ZNF695: variants seen among roughly 807,000 people sequenced by gnomAD.
ZNF695 encodes the protein zinc finger protein 695.
ZNF695 carries 11 observed loss-of-function variants against 11.2 expected under a neutral mutation model. The observed-to-expected ratio is 0.98, with a 90% confidence interval of 0.62 to 1.62. The LOEUF is 1.62. Ranked by LOEUF, ZNF695 falls within the 40% of genes most tolerant of loss-of-function variation. The pLI, the probability that ZNF695 is intolerant of heterozygous loss-of-function variation, is 0.00. For missense variants in ZNF695, 559 were observed against 590.5 expected (o/e 0.95, Z 0.55); for synonymous variants, 190 against 201.4 (o/e 0.94, Z 0.48).
intron 5 of ZNF695, among the ~76,000 whole-genome samples, chr1:246,949,578 A>C (rs1485178398): frequency 6.8e-6 from 1 of 148,046 alleles, no homozygotes; most frequent in Non-Finnish European, 1.5e-5. Flanking sequence ...GCGACAGAGC[A>C]AGACCCTGTC....
rs189813367 is a variant in ZNF695 at position 246,958,310 on chromosome 1, G to A, written c.488+9385C>T. On this transcript the variant is annotated intron_variant, in intron 5 of 5. Coordinates refer to the ZNF695 transcript ENST00000487338. ...CCTGACCTCGTGATCTGCCCTCCTC[G>A]GCCTCCCAAAGTGCTGGGATTACAG... Among the ~76,000 whole-genome samples, 562 of 151,972 alleles carry A rather than the reference G, an allele frequency of 3.7e-3. 4 individuals carry two copies. Among genetic ancestry groups the A allele is most frequent in the African/African-American group, 0.013 (521 of 41,460 alleles).
intron 5 of ZNF695, among the ~76,000 whole-genome samples, chr1:246,947,118 C>G (rs1428756530): frequency 8.3e-6 from 1 of 119,912 alleles, no homozygotes; most frequent in Admixed American, 9.9e-5. Flanking sequence ...CCAGCCTGGG[C>G]GACAAAGCGA....
At chr1:246,951,310 G>A (rs1667865146) in intron 5 of ZNF695, among the ~76,000 whole-genome samples, 5 of 152,130 alleles carry the variant, frequency 3.3e-5, no homozygotes, top group Admixed American at 6.5e-5. Context: ...TAATTAAGTC[G>A]TCATGCTGGA....
At chr1:246,955,962 T>C (rs1667984617) in intron 5 of ZNF695, among the ~76,000 whole-genome samples, 2 of 151,356 alleles carry the variant, frequency 1.3e-5, no homozygotes, top group South Asian at 4.2e-4. Flanking sequence ...GATACCCACA[T>C]GCCAGATATT....
chr1:246,995,813 CAAA>C (rs60375785), intron 3 of ZNF695, among the ~76,000 whole-genome samples: 15,936 of 65,692 alleles, frequency 0.24, 447 homozygotes, highest in African/African-American at 0.31. Context: ...GACTCTGTCT[CAAA>C]AAAAAAAAAA....
chr1:246,987,391 G>GT lies in ZNF695; in HGVS notation c.1123dup (p.Thr375AsnfsTer3). 6.2e-7 allele frequency: 1 copy of GT among 1,613,186 alleles called. No homozygotes were observed. Among genetic ancestry groups the GT allele is most frequent in the Non-Finnish European group, 8.5e-7 (1 of 1,179,658 alleles). On this transcript the variant is annotated frameshift_variant, in exon 4 of 4. Coordinates refer to ENST00000339986, the MANE Select transcript of ZNF695 (RefSeq NM_020394.5). LOFTEE classifies it low-confidence loss of function (END_TRUNC). Reference sequence around the variant, plus strand: ...CTCACATTTGTATGGTTTCTCACCAGTATGAATTCTCCTATGTTCAGTCAG... The same window carrying GT: ...CTCACATTTGTATGGTTTCTCACCAGTTATGAATTCTCCTATGTTCAGTCAG...
chr1:246,985,325 T>G lies in ZNF695; in HGVS notation c.*1642A>C, dbSNP rs10802457. 0.62 allele frequency: 605,763 copies of G among 983,044 alleles called. 192,053 individuals are homozygous for G. Among genetic ancestry groups the G allele is most frequent in the East Asian group, 0.98 (8,579 of 8,798 alleles). 60.9% of individuals were successfully genotyped at this position (983,044 alleles called of 1,614,324 possible). On this transcript the variant is annotated 3_prime_UTR_variant, in exon 4 of 4. Coordinates refer to ENST00000339986, the MANE Select transcript of ZNF695 (RefSeq NM_020394.5). ...TCAAGATTCAGAAATACACGGTCTT[T>G]GATTATAATCCTATATAGGCTTTAT...
At chr1:246,999,076 A>G (rs1669288000) in intron 3 of ZNF695, among the ~76,000 whole-genome samples, 1 of 151,988 alleles carries the variant, frequency 6.6e-6, no homozygotes. Context: ...GCAATGCAAG[A>G]GCAGTCAGAT....
At chr1:246,989,239 T>C (rs1328747641) in intron 3 of ZNF695, among the ~76,000 whole-genome samples, 1 of 152,216 alleles carries the variant, frequency 6.6e-6, no homozygotes, top group African/African-American at 2.4e-5. Context: ...CATTCCAGCC[T>C]GGGCAACAAG....
chr1:246,983,107 G>A (rs1668756393), downstream of ZNF695, among the ~76,000 whole-genome samples: 2 of 151,964 alleles, frequency 1.3e-5, no homozygotes, highest in Non-Finnish European at 2.9e-5. Flanking sequence ...GGGAGGCTGA[G>A]GCAGAAGAAT....
downstream of ZNF695, among the ~76,000 whole-genome samples, chr1:246,984,280 T>TAA (rs1278200712): frequency 7.6e-6 from 1 of 130,956 alleles, no homozygotes; most frequent in Non-Finnish European, 1.6e-5. Context: ...ACACAGGTTT[T>TAA]AAAAAAAAAA....
intron 1 of ZNF695, among the ~76,000 whole-genome samples, chr1:247,007,192 G>A (rs1015799744): frequency 3.3e-5 from 5 of 152,020 alleles, no homozygotes; most frequent in Admixed American, 6.5e-5. Context: ...TTTCAAAGGT[G>A]CTTCAGTTTA....
chr1:246,949,570 G>A (rs1039532790), intron 5 of ZNF695, among the ~76,000 whole-genome samples: 2 of 145,800 alleles, frequency 1.4e-5, no homozygotes, highest in Non-Finnish European at 1.5e-5. Context: ...CAGCCTAGGC[G>A]ACAGAGCAAG....
At chr1:247,002,958 C>A (rs747936429) in intron 1 of ZNF695, among the ~76,000 whole-genome samples, 35 of 152,078 alleles carry the variant, frequency 2.3e-4, no homozygotes, top group Non-Finnish European at 4.1e-4. Flanking sequence ...ATTAGAAAGT[C>A]AAAAAATAAC....
intron 5 of ZNF695, among the ~76,000 whole-genome samples, chr1:246,952,729 C>T (rs923071071): frequency 6.6e-6 from 1 of 151,668 alleles, no homozygotes; most frequent in East Asian, 1.9e-4. Context: ...CCTTTATTCT[C>T]CATATTTAAT....
intron 2 of ZNF695, among the ~76,000 whole-genome samples, 176 bp downstream of exon 2, chr1:246,999,736 A>C (rs1023272356): frequency 6.6e-6 from 1 of 152,186 alleles, no homozygotes; most frequent in Non-Finnish European, 1.5e-5. Context: ...AATCTAGAGC[A>C]AGGATATACA....
At chr1:246,964,247 C>T (rs77209727) in intron 5 of ZNF695, among the ~76,000 whole-genome samples, 2,067 of 152,140 alleles carry the variant, frequency 0.014, 48 homozygotes, top group African/African-American at 0.046. Context: ...CTCAGGTTTC[C>T]GCCCCTCTCC....
At chr1:246,967,242 C>T (rs775466086) in intron 5 of ZNF695, among the ~76,000 whole-genome samples, 2 of 152,030 alleles carry the variant, frequency 1.3e-5, no homozygotes, top group African/African-American at 2.4e-5. Flanking sequence ...CCAGCCTAAA[C>T]GTTACATATT....
In ZNF695 at chr1:247,000,185, T is replaced by C; in HGVS notation, c.4-111A>G. ...CTCTGACTTATATGAGTGACTAGAA[T>C]TATCAAATAAGATAATTTTTAACAC... On this transcript the variant is annotated intron_variant, in intron 1 of 3. Transcript: ENST00000339986. 3 of 888,318 alleles carry C rather than the reference T, an allele frequency of 3.4e-6. No homozygotes were observed. The Admixed American group carries it at 9.2e-5, about 27-fold the overall frequency. 55.0% of individuals were successfully genotyped at this position (888,318 alleles called of 1,614,324 possible).
Sources: allele counts gnomAD v4.1 joint callset (sites outside exome capture counted in the v4.1 genomes callset), GRCh38; gene constraint gnomAD v4.1.1; transcripts MANE v1.5; gene names NCBI Gene and HGNC (gene_info 2026-07-23, HGNC 2026-07-21).